Variants in EDIL3 observed in about 807,000 individuals in gnomAD.
EDIL3 encodes the protein EGF like and discoidin domains 3.
Under a neutral mutation model 67.4 loss-of-function variants are expected in EDIL3, and 37 were observed. That is an observed-to-expected ratio of 0.55 (90% confidence interval 0.42 to 0.72). The LOEUF (loss-of-function observed/expected upper bound fraction) is 0.72. Among genes scored for constraint, EDIL3 ranks in the 30% least tolerant of loss-of-function variants. The probability of loss-of-function intolerance (pLI) is 0.00; values close to 1 mark genes in which losing one functional copy is unlikely to be tolerated. For missense variants in EDIL3, 527 were observed against 586.3 expected, an observed-to-expected ratio of 0.90 and a Z score of 1.04; for synonymous variants, 195 against 196.3, an observed-to-expected ratio of 0.99 and a Z score of 0.05.
rs146252675 is a variant in EDIL3 at position 84,048,965 on chromosome 5, T to A, written c.1137+11335A>T. Among the ~76,000 whole-genome samples the A allele has an allele frequency of 5.7e-3, 864 of 152,236 alleles. 12 individuals are homozygous for A. The highest frequency in any genetic ancestry group is 0.02 in the African/African-American group (830 of 41,568). On this transcript the variant is annotated intron_variant, in intron 9 of 10. Transcript: ENST00000296591. ...CATCTTAACAATGTTTAATTTCAAT[T>A]TGTCTAATCTGAGCAGAAGTAAAAA... is the stretch of plus-strand genomic sequence containing the variant.
intron 1 of EDIL3, among the ~76,000 whole-genome samples, chr5:84,283,768 T>A (rs1745751406): frequency 6.6e-6 from 1 of 152,204 alleles, no homozygotes; most frequent in South Asian, 2.1e-4. Context: ...TACTCCTCTG[T>A]AAGCTTTTTT....
intron 1 of EDIL3, among the ~76,000 whole-genome samples, chr5:84,370,040 G>A (rs954903745): frequency 4.6e-5 from 7 of 152,074 alleles, no homozygotes; most frequent in African/African-American, 9.7e-5. Flanking sequence ...ACATAAACAG[G>A]AGCAAAGTAT....
chr5:84,247,954 C>A (rs1580397148), intron 2 of EDIL3, among the ~76,000 whole-genome samples: 1 of 152,072 alleles, frequency 6.6e-6, no homozygotes, highest in South Asian at 2.1e-4. Context: ...TATATTACTA[C>A]CAAATTCCAA....
intron 5 of EDIL3, among the ~76,000 whole-genome samples, chr5:84,113,294 T>C (rs1308206696): frequency 6.6e-6 from 1 of 152,220 alleles, no homozygotes; most frequent in Non-Finnish European, 1.5e-5. Context: ...TAATCCTAAA[T>C]TAATGAGTCC....
At chr5:84,332,289 T>C (rs914381507) in intron 1 of EDIL3, among the ~76,000 whole-genome samples, 5 of 152,128 alleles carry the variant, frequency 3.3e-5, no homozygotes, top group African/African-American at 1.2e-4. Context: ...GAAGGATCAC[T>C]TGAGCGCGGG....
chr5:84,206,805 A>T (rs1743989477), intron 3 of EDIL3, among the ~76,000 whole-genome samples: 1 of 152,202 alleles, frequency 6.6e-6, no homozygotes, highest in Non-Finnish European at 1.5e-5. Context: ...CCACATGATT[A>T]TCTCAATAGA....
chr5:84,292,042 A>C (rs1683074520), intron 1 of EDIL3, among the ~76,000 whole-genome samples: 1 of 152,002 alleles, frequency 6.6e-6, no homozygotes, highest in African/African-American at 2.4e-5. Flanking sequence ...AGCACTAGCC[A>C]CAAGTGGCTA....
intron 2 of EDIL3, among the ~76,000 whole-genome samples, chr5:84,233,237 C>T (rs1744618340): frequency 6.6e-6 from 1 of 152,148 alleles, no homozygotes; most frequent in South Asian, 2.1e-4. Flanking sequence ...CCTCCTATCA[C>T]CCATAACAGA....
chr5:84,331,093 C>T (rs376157285), intron 1 of EDIL3, among the ~76,000 whole-genome samples: 1 of 152,138 alleles, frequency 6.6e-6, no homozygotes, highest in Non-Finnish European at 1.5e-5. Flanking sequence ...TTGAAATGGG[C>T]GTATTTACCA....
intron 9 of EDIL3, among the ~76,000 whole-genome samples, chr5:84,050,526 C>A (rs542051687): frequency 4.6e-5 from 7 of 152,194 alleles, no homozygotes; most frequent in African/African-American, 1.7e-4. Context: ...ATCGCCTCAC[C>A]TGGGAAGTGC....
chr5:84,034,135 T>A (rs62364188), intron 9 of EDIL3, among the ~76,000 whole-genome samples: 17,473 of 152,268 alleles, frequency 0.11, 1,522 homozygotes, highest in African/African-American at 0.24. Flanking sequence ...AAGAGTAATT[T>A]GTCATGTATT....
Position 83,974,299 on chromosome 5 carries a change from C to T in EDIL3, c.1138-10939G>A, listed in dbSNP as rs188766837. Among the ~76,000 whole-genome samples the T allele has an allele frequency of 1.5e-3, 231 of 151,676 alleles. 2 individuals carry two copies. The highest frequency in any genetic ancestry group is 5.3e-3 in the African/African-American group (219 of 41,434). On this transcript the variant is annotated intron_variant, in intron 9 of 10. Transcript: ENST00000296591. ...CAAGCAGAAGGTAAATGCTTCAAAT[C>T]GCTTTGGGAAAATGTGCCATCAACG... is the stretch of plus-strand genomic sequence containing the variant.
At chr5:84,301,271 A>G (rs2112130577) in intron 1 of EDIL3, among the ~76,000 whole-genome samples, 1 of 139,070 alleles carries the variant, frequency 7.2e-6, no homozygotes, top group East Asian at 1.9e-4. Context: ...TCTGTCTCAA[A>G]AAAAAAAGAA....
chr5:83,975,887 C>T (rs1218574098), intron 9 of EDIL3, among the ~76,000 whole-genome samples: 1 of 151,882 alleles, frequency 6.6e-6, no homozygotes, highest in East Asian at 1.9e-4. Flanking sequence ...AACAACTCAC[C>T]AGATACGTCT....
At chr5:83,963,990 A>G (rs1744648351) in intron 9 of EDIL3, among the ~76,000 whole-genome samples, 1 of 151,858 alleles carries the variant, frequency 6.6e-6, no homozygotes, top group Admixed American at 6.6e-5. Flanking sequence ...ATATTCTTCA[A>G]AAATGAAGAA....
chr5:83,956,119 T>C (rs1744509753), intron 10 of EDIL3, among the ~76,000 whole-genome samples: 1 of 151,900 alleles, frequency 6.6e-6, no homozygotes, highest in African/African-American at 2.4e-5. Context: ...AGTTGTTCCA[T>C]TCTACAGTTG....
chr5:84,339,195 G>C (rs914523595), intron 1 of EDIL3, among the ~76,000 whole-genome samples: 2 of 152,020 alleles, frequency 1.3e-5, no homozygotes, highest in South Asian at 4.1e-4. Context: ...TGTGACATTG[G>C]GAAATTTACT....
At chr5:84,162,803 C>G (rs1195198548) in intron 4 of EDIL3, among the ~76,000 whole-genome samples, 1 of 152,132 alleles carries the variant, frequency 6.6e-6, no homozygotes, top group Non-Finnish European at 1.5e-5. Flanking sequence ...ATACCTTTCT[C>G]TGTCCTTGAT....
chr5:84,112,125 G>T (rs348898), intron 5 of EDIL3, among the ~76,000 whole-genome samples: 67,947 of 151,796 alleles, frequency 0.45, 15,584 homozygotes, highest in Non-Finnish European at 0.5. Flanking sequence ...TGCAGAAGAC[G>T]GTGATGATAG....
Sources: gnomAD v4.1 joint callset for allele counts (sites outside exome capture counted in the v4.1 genomes callset) on GRCh38, gnomAD v4.1.1 for gene constraint, MANE v1.5 for transcripts, NCBI Gene and HGNC (gene_info 2026-07-23, HGNC 2026-07-21) for gene names.